SCAPER: variants seen among roughly 807,000 people sequenced by gnomAD.
The protein encoded by SCAPER is S-phase cyclin A associated protein in the ER, also known as S phase cyclin A-associated protein in the endoplasmic reticulum.
In SCAPER, 98 loss-of-function variants were observed where a neutral mutation model predicts 182.2. That is an observed-to-expected ratio of 0.54 (90% CI 0.46 to 0.64). The LOEUF (loss-of-function observed/expected upper bound fraction) is 0.64, where lower values mean the gene tolerates loss of function less well. Among genes scored for constraint, SCAPER ranks in the 30% least tolerant of loss-of-function variants. The pLI is 0.00. For missense variants in SCAPER, 1,432 were observed against 1,690.0 expected, an observed-to-expected ratio of 0.85 and a Z score of 2.68; for synonymous variants, 605 against 564.6, an observed-to-expected ratio of 1.07 and a Z score of -1.01.
intron 7 of SCAPER, among the ~76,000 whole-genome samples, chr15:76,796,200 G>T (rs1490473668): frequency 1.3e-5 from 2 of 152,068 alleles, no homozygotes; most frequent in African/African-American, 4.8e-5. Flanking sequence ...TCTAAATTTG[G>T]TTCCTTTAAA....
chr15:76,667,721 G>C (rs1302128763), intron 20 of SCAPER, among the ~76,000 whole-genome samples: 1 of 148,614 alleles, frequency 6.7e-6, no homozygotes, highest in Non-Finnish European at 1.5e-5. Flanking sequence ...GGGAAGCCAA[G>C]GTGGGAGGAT....
intron 23 of SCAPER, among the ~76,000 whole-genome samples, chr15:76,509,160 T>C (rs2041831997): frequency 1.3e-5 from 2 of 152,072 alleles, no homozygotes; most frequent in Admixed American, 1.3e-4. Flanking sequence ...AAATGAAACA[T>C]CTCTGTGAAA....
intron 23 of SCAPER, among the ~76,000 whole-genome samples, chr15:76,550,854 C>T (rs1434521224): frequency 6.6e-6 from 1 of 152,170 alleles, no homozygotes; most frequent in East Asian, 1.9e-4. Context: ...TCACCAGCAT[C>T]TATTGTTTCT....
chr15:76,770,793 A>G (rs567600087), intron 10 of SCAPER, among the ~76,000 whole-genome samples: 11 of 152,108 alleles, frequency 7.2e-5, no homozygotes, highest in Non-Finnish European at 1.5e-4. Context: ...TAAACTCACT[A>G]CTTATTTGAG....
chr15:76,903,014 T>C (rs141434939), intron 1 of SCAPER, among the ~76,000 whole-genome samples: 9 of 151,042 alleles, frequency 6.0e-5, no homozygotes, highest in African/African-American at 2.2e-4. Flanking sequence ...TGAGCCAAGA[T>C]TGCGCCACTG....
At chr15:76,598,856 G>A (rs1193936984) in intron 22 of SCAPER, among the ~76,000 whole-genome samples, 1 of 118,630 alleles carries the variant, frequency 8.4e-6, no homozygotes, top group Non-Finnish European at 2.0e-5. Flanking sequence ...TGTAGATGAC[G>A]GGTTGATGGG....
intron 22 of SCAPER, among the ~76,000 whole-genome samples, chr15:76,607,115 T>C (rs2050494588): frequency 1.3e-5 from 2 of 152,344 alleles, no homozygotes; most frequent in Admixed American, 6.5e-5. Flanking sequence ...CTAGCCTTGA[T>C]GGTCTTTACA....
At chr15:76,665,922 C>T in intron 20 of SCAPER, 133 bp from the exon 21 acceptor site, 1 of 760,444 alleles carries the variant, frequency 1.3e-6, no homozygotes, top group Non-Finnish European at 1.9e-6. Flanking sequence ...CTGGTTTCTA[C>T]AATTGTTATG....
chr15:76,745,432 G>C (rs895104340), intron 15 of SCAPER, among the ~76,000 whole-genome samples: 4 of 152,128 alleles, frequency 2.6e-5, no homozygotes, highest in African/African-American at 4.8e-5. Flanking sequence ...CTGGGTGACA[G>C]AGTGAGACTC....
intron 22 of SCAPER, among the ~76,000 whole-genome samples, chr15:76,589,234 T>C (rs2048923906): frequency 1.3e-5 from 2 of 151,958 alleles, no homozygotes; most frequent in South Asian, 2.1e-4. Flanking sequence ...GGATCAGCTG[T>C]AGTAGTATAA....
At chr15:76,783,779 CA>C (rs947727943) in intron 8 of SCAPER, among the ~76,000 whole-genome samples, 1 of 152,134 alleles carries the variant, frequency 6.6e-6, no homozygotes, top group African/African-American at 2.4e-5. Flanking sequence ...GAAAAAAAGA[CA>C]AAAACCGCAA....
chr15:76,661,468 TAAAC>T (rs1324748610), intron 21 of SCAPER, among the ~76,000 whole-genome samples: 3 of 152,006 alleles, frequency 2.0e-5, no homozygotes, highest in African/African-American at 7.2e-5. Flanking sequence ...ACAAGGAACT[TAAAC>T]AAATTTACAA....
chr15:76,460,147 T>C (rs943089894), intron 25 of SCAPER, among the ~76,000 whole-genome samples: 2 of 152,160 alleles, frequency 1.3e-5, no homozygotes, highest in Non-Finnish European at 2.9e-5. Flanking sequence ...GCACTAAATC[T>C]GTAGGTTTCT....
At chr15:76,621,675 C>T (rs930487144) in intron 22 of SCAPER, 89 bp downstream of exon 22, 4 of 1,056,164 alleles carry the variant, frequency 3.8e-6, no homozygotes, top group Non-Finnish European at 5.6e-6. Context: ...ATCAAAGAAC[C>T]TTATTACAGA....
chr15:76,761,173 TTTTG>T (rs2062764059), intron 14 of SCAPER, among the ~76,000 whole-genome samples: 1 of 152,138 alleles, frequency 6.6e-6, no homozygotes, highest in Admixed American at 6.5e-5. Context: ...TTATGATCCT[TTTTG>T]TTTCTCTGTT....
chr15:76,537,077 C>G (rs1403766441), intron 23 of SCAPER, among the ~76,000 whole-genome samples: 4 of 152,004 alleles, frequency 2.6e-5, no homozygotes, highest in Admixed American at 6.6e-5. Context: ...AGGATACAAA[C>G]AAATGGAAGA....
intron 15 of SCAPER, chr15:76,736,723 G>C (rs924988995): frequency 6.5e-6 from 1 of 154,796 alleles, no homozygotes; most frequent in Non-Finnish European, 1.5e-5. Context: ...GGCTAAGCGG[G>C]TGTCCCCTTC....
intron 23 of SCAPER, among the ~76,000 whole-genome samples, chr15:76,551,101 C>A (rs1006837619): frequency 6.2e-4 from 76 of 122,614 alleles, no homozygotes; most frequent in Middle Eastern, 5.2e-3. Context: ...CACTTTCACA[C>A]TGTTGGCAGG....
rs141238772 is a variant in SCAPER, at chr15:76,659,952, T to C, written c.2645+5701A>G. On this transcript the variant is annotated intron_variant, in intron 21 of 31. Coordinates refer to ENST00000563290, the MANE Select transcript of SCAPER (RefSeq NM_020843.4). ...AAAGACACATGTATGTCTGTGTTCATTGCAGCACTATTCATAATGGCAGAC... is the reference window on the plus strand; with the variant it reads ...AAAGACACATGTATGTCTGTGTTCACTGCAGCACTATTCATAATGGCAGAC... Among the ~76,000 whole-genome samples, 14 of 152,302 alleles carry C rather than the reference T, an allele frequency of 9.2e-5. No individual in the cohort carries two copies. In the East Asian group the frequency reaches 1.5e-3, roughly 17 times the overall value.
Sources: allele counts gnomAD v4.1 joint callset (sites outside exome capture counted in the v4.1 genomes callset), GRCh38; gene constraint gnomAD v4.1.1; transcripts MANE v1.5; gene names NCBI Gene and HGNC (gene_info 2026-07-23, HGNC 2026-07-21).